Variants in ATRX observed in about 807,000 individuals in gnomAD.
The protein encoded by ATRX is chromatin remodeler ATRX.
In ATRX, 12 loss-of-function variants were observed where a neutral mutation model predicts 172.6. That is an observed-to-expected ratio of 0.07 (90% CI 0.04 to 0.11). The LOEUF (loss-of-function observed/expected upper bound fraction) is 0.11, where lower values mean the gene tolerates loss of function less well. Among genes scored for constraint, ATRX ranks in the 10% least tolerant of loss-of-function variants. The pLI is 1.00. For synonymous variants in ATRX, 674 were observed against 594.7 expected (o/e 1.13, Z -1.94); for missense variants, 1,368 against 1,767.4 (o/e 0.77, Z 4.05).
Position 77,620,435 on chromosome X carries a change from A to T in ATRX, c.5232T>A (p.Ile1744=). The change falls in exon 20 of 35, where the codon ATT becomes ATA. Residue 1744 remains isoleucine (I), a synonymous_variant. Coordinates refer to ENST00000373344, the MANE Select transcript of ATRX (RefSeq NM_000489.6). ...AMNSIRSRRR[I]ILTGTPLQNN... ...TTTGAAGTGGTGTTCCTGTTAAAAT[A>T]ATCCTCCTCCTTGATCGTATAGAAT... is the stretch of plus-strand genomic sequence containing the variant. 8.3e-7 allele frequency: 1 copy of T among 1,209,360 alleles called. No individual in the cohort carries two copies. The highest frequency in any genetic ancestry group is 1.1e-6 in the Non-Finnish European group (1 of 893,331).
At chrX:77,521,527 A>G (rs1411549066) in intron 32 of ATRX, 29 bp from the exon 33 acceptor site, 15 of 1,083,068 alleles carry the variant, frequency 1.4e-5, no homozygotes, top group Non-Finnish European at 1.5e-5. Context: ...TAAGTTATAT[A>G]AGGCAGAAAG....
intron 21 of ATRX, among the ~76,000 whole-genome samples, chrX:77,618,094 G>T (rs2067429725): frequency 9.0e-6 from 1 of 111,418 alleles, no homozygotes; most frequent in Non-Finnish European, 1.9e-5. Context: ...TTTGATCCAT[G>T]GTAGGTTGAA....
intron 9 of ATRX, among the ~76,000 whole-genome samples, chrX:77,676,931 G>A (rs1399819956): frequency 1.8e-5 from 2 of 111,484 alleles, no homozygotes; most frequent in Non-Finnish European, 3.8e-5. Context: ...AGACCAGCCT[G>A]GCCAACATGG....
At chrX:77,663,809 C>T (rs1485188852) in intron 11 of ATRX, among the ~76,000 whole-genome samples, 1 of 111,462 alleles carries the variant, frequency 9.0e-6, no homozygotes, top group Non-Finnish European at 1.9e-5. Flanking sequence ...CTTTGAAAAT[C>T]ATCTGTTTAG....
In ATRX at chrX:77,626,021, AT is replaced by A. The variant is rs2067815702; in HGVS notation, c.5135-5490del. Among the ~76,000 whole-genome samples the A allele has an allele frequency of 7.4e-5, 6 of 80,994 alleles. No individual in the cohort carries two copies. The South Asian group carries it at 4.1e-3, about 55-fold the overall frequency. The allele number at this position is 80,994 out of a possible 115,157, so 70.3% of individuals were successfully genotyped here. A position where few individuals can be genotyped will look rare whatever the true frequency, so the allele number is the denominator to read the frequency against. Reference sequence around the variant, plus strand: ...CATCAATGAATGAGTGGATAAAGAAATTGTGGCATATATATATATATATATA... The same window carrying A: ...CATCAATGAATGAGTGGATAAAGAAATGTGGCATATATATATATATATATA... On this transcript the variant is annotated intron_variant, in intron 19 of 34. Transcript: ENST00000373344.
chrX:77,726,631 A>G (rs2074055740), intron 1 of ATRX, among the ~76,000 whole-genome samples: 1 of 111,855 alleles, frequency 8.9e-6, no homozygotes, highest in Non-Finnish European at 1.9e-5. Context: ...ATAAAAAAAA[A>G]TCTCCATTAG....
chrX:77,772,727 C>T (rs2076201663), intron 1 of ATRX, among the ~76,000 whole-genome samples: 1 of 109,684 alleles, frequency 9.1e-6, no homozygotes. Flanking sequence ...GTGATCCATC[C>T]GCCTCGGCCT....
At chrX:77,766,425 G>A (rs1314700587) in intron 1 of ATRX, among the ~76,000 whole-genome samples, 2 of 110,117 alleles carry the variant, frequency 1.8e-5, no homozygotes, top group African/African-American at 6.6e-5. Context: ...CTTCTCAGAC[G>A]GGGCGGCTGC....
intron 34 of ATRX, among the ~76,000 whole-genome samples, chrX:77,517,320 A>G (rs1011902428): frequency 1.8e-5 from 2 of 111,982 alleles, no homozygotes; most frequent in East Asian, 5.5e-4. Context: ...AGTAAATAAA[A>G]TCAGAGATCA....
At chrX:77,511,577 G>A (rs1004418759) in intron 34 of ATRX, among the ~76,000 whole-genome samples, 25 of 111,575 alleles carry the variant, frequency 2.2e-4, no homozygotes, top group African/African-American at 7.8e-4. Context: ...ATATGGAGAA[G>A]AAACTGATAA....
intron 2 of ATRX, among the ~76,000 whole-genome samples, chrX:77,707,676 G>T (rs1285836279): frequency 6.3e-5 from 7 of 111,887 alleles, no homozygotes; most frequent in African/African-American, 2.3e-4. Context: ...GAGCCAGGGA[G>T]GTTGAGGGTG....
At chrX:77,529,320 T>G (rs1952927355) in intron 30 of ATRX, among the ~76,000 whole-genome samples, 1 of 111,071 alleles carries the variant, frequency 9.0e-6, no homozygotes, top group Admixed American at 9.6e-5. Context: ...AGTAAGATAT[T>G]CCACGAGAAG....
At chrX:77,671,167 A>AAAAAAAT (rs1424480831) in intron 10 of ATRX, among the ~76,000 whole-genome samples, 20 of 15,737 alleles carry the variant, frequency 1.3e-3, no homozygotes, top group East Asian at 4.5e-3. Flanking sequence ...AAAAAAAAAA[A>AAAAAAAT]ATATATATAT....
chrX:77,633,964 C>T, intron 17 of ATRX: 1 of 344,274 alleles, frequency 2.9e-6, no homozygotes. Flanking sequence ...CATACCAATA[C>T]TAAGTCCTAG....
intron 11 of ATRX, among the ~76,000 whole-genome samples, chrX:77,664,045 G>A (rs782547010): frequency 9.4e-6 from 1 of 106,805 alleles, no homozygotes; most frequent in East Asian, 3.0e-4. Context: ...AGGTTGCAGT[G>A]AGCCAAAATT....
intron 30 of ATRX, among the ~76,000 whole-genome samples, chrX:77,544,438 T>TAAC (rs1557052329): frequency 1.8e-5 from 2 of 110,724 alleles, no homozygotes; most frequent in Non-Finnish European, 3.8e-5. Flanking sequence ...TTATTATACT[T>TAAC]TAAGTTTTAG....
chrX:77,554,529 CT>C lies in ATRX; in HGVS notation c.6699+2921del, dbSNP rs781997427. Among the ~76,000 whole-genome samples the C allele has an allele frequency of 6.3e-3, 697 of 111,476 alleles. 6 individuals carry two copies. The highest frequency in any genetic ancestry group is 0.011 in the Non-Finnish European group (569 of 53,078). ...CCATTTGCCTTTCATGGCTTTCCTACTTATCTAACCTCCACTCTTCATCAAT... is the reference window on the plus strand; with the variant it reads ...CCATTTGCCTTTCATGGCTTTCCTACTATCTAACCTCCACTCTTCATCAAT... On this transcript the variant is annotated intron_variant, in intron 30 of 34. Transcript: ENST00000373344.
chrX:77,740,006 T>C (rs2074782303), intron 1 of ATRX, among the ~76,000 whole-genome samples: 1 of 93,679 alleles, frequency 1.1e-5, no homozygotes, highest in Non-Finnish European at 2.1e-5. Context: ...TGAGCCGAGA[T>C]TGCGCCACTG....
chrX:77,763,362 C>T (rs1211175345), intron 1 of ATRX, among the ~76,000 whole-genome samples: 2 of 108,041 alleles, frequency 1.9e-5, no homozygotes, highest in Non-Finnish European at 3.8e-5. Flanking sequence ...CCAGGCTGGT[C>T]TTGAACTCCT....
Sources: gnomAD v4.1 joint callset for allele counts (sites outside exome capture counted in the v4.1 genomes callset) on GRCh38, gnomAD v4.1.1 for gene constraint, MANE v1.5 for transcripts, NCBI Gene and HGNC (gene_info 2026-07-23, HGNC 2026-07-21) for gene names.